RPS6KC1: variants seen among roughly 807,000 people sequenced by gnomAD.
The protein encoded by RPS6KC1 is inactive ribosomal protein S6 kinase delta-1.
RPS6KC1 carries 54 observed loss-of-function variants against 103.8 expected under a neutral mutation model. The observed-to-expected ratio is 0.52, with a 90% CI of 0.42 to 0.65. The LOEUF (loss-of-function observed/expected upper bound fraction) is 0.65. Ranked by LOEUF, RPS6KC1 falls within the 30% of genes least tolerant of loss-of-function variation. The pLI is 0.00. For synonymous variants in RPS6KC1, 439 were observed against 438.7 expected (o/e 1.00, Z -0.01); for missense variants, 1,151 against 1,253.8 (o/e 0.92, Z 1.24).
the RPS6KC1 span, among the ~76,000 whole-genome samples, chr1:213,812,692 C>A: frequency 1.3e-5 from 2 of 152,236 alleles, no homozygotes; most frequent in East Asian, 3.9e-4. Flanking sequence ...TGAACCAATT[C>A]GTGTAAGGCA....
At chr1:213,565,226 TAC>T in the RPS6KC1 span, among the ~76,000 whole-genome samples, 34,473 of 152,092 alleles carry the variant, frequency 0.23, 4,696 homozygotes, top group African/African-American at 0.38. Context: ...TTTATAAATG[TAC>T]ACACCTACGC....
chr1:213,429,927 G>A, the RPS6KC1 span, among the ~76,000 whole-genome samples: 4 of 152,094 alleles, frequency 2.6e-5, no homozygotes, highest in African/African-American at 9.7e-5. Flanking sequence ...TATAACCATT[G>A]CCATCTGCTA....
the RPS6KC1 span, among the ~76,000 whole-genome samples, chr1:213,506,281 T>C: frequency 2.0e-4 from 30 of 152,200 alleles, no homozygotes; most frequent in Admixed American, 2.0e-4. Context: ...GGAAGAATGC[T>C]GATAATGGTC....
At chr1:213,671,153 G>A in the RPS6KC1 span, among the ~76,000 whole-genome samples, 1 of 152,074 alleles carries the variant, frequency 6.6e-6, no homozygotes, top group Non-Finnish European at 1.5e-5. Flanking sequence ...GGACACCTAG[G>A]TTATTGTAGT....
intron 6 of RPS6KC1, among the ~76,000 whole-genome samples, chr1:213,149,419 C>T (rs984811004): frequency 2.6e-5 from 4 of 152,188 alleles, no homozygotes; most frequent in Non-Finnish European, 5.9e-5. Flanking sequence ...CATTCAGGAA[C>T]ATATTGTTTA....
chr1:213,601,865 A>G, the RPS6KC1 span, among the ~76,000 whole-genome samples: 2 of 149,314 alleles, frequency 1.3e-5, no homozygotes, highest in Non-Finnish European at 3.0e-5. Flanking sequence ...TTTTTCCTTC[A>G]TTTCTTTTCT....
chr1:213,395,709 T>G, the RPS6KC1 span, among the ~76,000 whole-genome samples: 1 of 152,226 alleles, frequency 6.6e-6, no homozygotes. Flanking sequence ...GCTTACAAAC[T>G]TTCTAAAGAT....
chr1:213,319,791 T>A, the RPS6KC1 span, among the ~76,000 whole-genome samples: 1 of 152,226 alleles, frequency 6.6e-6, no homozygotes, highest in East Asian at 1.9e-4. Flanking sequence ...TCTTTAAGCA[T>A]TAATCTGCTG....
the RPS6KC1 span, among the ~76,000 whole-genome samples, chr1:213,639,867 T>C: frequency 6.6e-6 from 1 of 151,882 alleles, no homozygotes; most frequent in African/African-American, 2.4e-5. Context: ...TTTTTTTTCA[T>C]GTACTGTCTT....
At chr1:213,424,974 C>T in the RPS6KC1 span, among the ~76,000 whole-genome samples, 1 of 152,182 alleles carries the variant, frequency 6.6e-6, no homozygotes, top group Non-Finnish European at 1.5e-5. Context: ...CCCACCCTCA[C>T]ATAGCCAGCC....
intron 14 of RPS6KC1, among the ~76,000 whole-genome samples, chr1:213,271,133 G>A (rs1009226538): frequency 6.6e-6 from 1 of 152,120 alleles, no homozygotes; most frequent in Admixed American, 6.5e-5. Context: ...GTACATGAAC[G>A]TTAATAGCAA....
At chr1:213,355,223 GAA>G in the RPS6KC1 span, among the ~76,000 whole-genome samples, 2 of 146,986 alleles carry the variant, frequency 1.4e-5, no homozygotes, top group African/African-American at 2.5e-5. Context: ...TCTCACAAAG[GAA>G]AAAAAAAAGA....
intron 8 of RPS6KC1, among the ~76,000 whole-genome samples, chr1:213,178,912 G>T (rs2092076018): frequency 1.3e-5 from 2 of 151,970 alleles, no homozygotes; most frequent in African/African-American, 2.4e-5. Flanking sequence ...TAGAGACAGG[G>T]TTGCACCATG....
chr1:213,616,491 G>A, the RPS6KC1 span, among the ~76,000 whole-genome samples: 3,161 of 152,278 alleles, frequency 0.021, 108 homozygotes, highest in African/African-American at 0.073. Context: ...TTGATGCCCA[G>A]CTGATAAATG....
chr1:213,330,484 C>T, the RPS6KC1 span, among the ~76,000 whole-genome samples: 1 of 152,134 alleles, frequency 6.6e-6, no homozygotes, highest in Non-Finnish European at 1.5e-5. Context: ...AATAGAAGCT[C>T]CCCTCTGCAC....
chr1:213,606,993 G>T, the RPS6KC1 span, among the ~76,000 whole-genome samples: 1 of 152,178 alleles, frequency 6.6e-6, no homozygotes, highest in Non-Finnish European at 1.5e-5. Flanking sequence ...GGATCCACCT[G>T]GGTTTGCCTG....
intron 1 of RPS6KC1, 152 bp downstream of exon 1, chr1:213,051,661 G>A: frequency 1.6e-6 from 1 of 612,280 alleles, no homozygotes; most frequent in South Asian, 2.0e-5. Flanking sequence ...TCGGAGGTTG[G>A]GATTTTTAGA....
the RPS6KC1 span, among the ~76,000 whole-genome samples, chr1:213,844,761 G>T: frequency 1.3e-5 from 2 of 152,156 alleles, no homozygotes; most frequent in African/African-American, 4.8e-5. Flanking sequence ...TTATATGAAT[G>T]GAGAAAGGCT....
intron 1 of RPS6KC1, among the ~76,000 whole-genome samples, chr1:213,069,443 G>A (rs796723173): frequency 3.3e-5 from 5 of 152,278 alleles, no homozygotes; most frequent in African/African-American, 1.2e-4. Flanking sequence ...GCCAGGCCAG[G>A]CAGTTAGTAT....
Sources: gnomAD v4.1 joint callset for allele counts (sites outside exome capture counted in the v4.1 genomes callset) on GRCh38, gnomAD v4.1.1 for gene constraint, MANE v1.5 for transcripts, NCBI Gene and HGNC (gene_info 2026-07-23, HGNC 2026-07-21) for gene names.